The following CA10 variants were observed in gnomAD, a reference collection of about 807,000 sequenced individuals.
CA10 encodes the protein carbonic anhydrase-related protein 10.
CA10 carries 14 observed loss-of-function variants against 44.2 expected under a neutral mutation model. The observed-to-expected ratio is 0.32, with a 90% CI of 0.21 to 0.50. The LOEUF (loss-of-function observed/expected upper bound fraction) is 0.50. Ranked by LOEUF, CA10 falls within the 20% of genes least tolerant of loss-of-function variation. CA10 has a pLI of 0.99. For synonymous variants in CA10, 159 were observed against 141.6 expected (o/e 1.12, Z -0.87); for missense variants, 350 against 409.7 (o/e 0.85, Z 1.26).
At chr17:52,101,853 T>G (rs1988547539) in intron 1 of CA10, among the ~76,000 whole-genome samples, 1 of 152,184 alleles carries the variant, frequency 6.6e-6, no homozygotes, top group Admixed American at 6.5e-5. Flanking sequence ...AATAGAAATA[T>G]TCAAAGGTAA....
chr17:51,817,799 C>T (rs1372288511), intron 3 of CA10, among the ~76,000 whole-genome samples: 1 of 152,134 alleles, frequency 6.6e-6, no homozygotes, highest in East Asian at 1.9e-4. Context: ...TGCTCACGCC[C>T]AGTCTACAGA....
chr17:51,907,149 A>G (rs1160971771), intron 3 of CA10, among the ~76,000 whole-genome samples: 3 of 152,108 alleles, frequency 2.0e-5, no homozygotes, highest in East Asian at 1.9e-4. Flanking sequence ...TTTTTCTGTA[A>G]CCTGAATTCG....
intron 4 of CA10, among the ~76,000 whole-genome samples, chr17:51,737,183 C>T (rs367708653): frequency 6.6e-6 from 1 of 152,176 alleles, no homozygotes; most frequent in Non-Finnish European, 1.5e-5. Context: ...ACCAACCATG[C>T]AACTGAAAGC....
intron 1 of CA10, among the ~76,000 whole-genome samples, chr17:52,119,269 T>C (rs1369120221): frequency 1.6e-5 from 2 of 123,378 alleles, no homozygotes; most frequent in African/African-American, 5.5e-5. Flanking sequence ...AAGTAGTTAT[T>C]TGTGTCAGTG....
chr17:52,069,108 AC>A (rs1265964812), intron 2 of CA10, among the ~76,000 whole-genome samples: 2 of 152,290 alleles, frequency 1.3e-5, no homozygotes, highest in African/African-American at 4.8e-5. Flanking sequence ...TAAGGCCCAC[AC>A]ATATTATACA....
In CA10 at chr17:51,866,086, A is replaced by G. The variant is rs200322013; in HGVS notation, c.279+64904T>C. Among the ~76,000 whole-genome samples, 5 of 152,338 alleles carry G rather than the reference A, an allele frequency of 3.3e-5. No homozygotes were observed. The East Asian group carries it at 9.6e-4, about 29-fold the overall frequency. ...AATAAATGGCTATTGCCAAATAAACAAAGGCAATGTTTTAAAAGTCTCTGT... is the reference window on the plus strand; with the variant it reads ...AATAAATGGCTATTGCCAAATAAACGAAGGCAATGTTTTAAAAGTCTCTGT... On this transcript the variant is annotated intron_variant, in intron 3 of 8. Transcript: ENST00000451037.
chr17:51,820,495 TGAGA>T (rs753789679), intron 3 of CA10, among the ~76,000 whole-genome samples: 3 of 150,352 alleles, frequency 2.0e-5, no homozygotes, highest in Non-Finnish European at 4.4e-5. Flanking sequence ...GTCTTTTTAT[TGAGA>T]AAGTTCTTTC....
intron 4 of CA10, among the ~76,000 whole-genome samples, chr17:51,690,584 T>C (rs927192043): frequency 6.6e-6 from 1 of 152,164 alleles, no homozygotes; most frequent in African/African-American, 2.4e-5. Flanking sequence ...GTTCTTGTGA[T>C]AGTGAATAAG....
intron 2 of CA10, among the ~76,000 whole-genome samples, chr17:52,013,436 T>A (rs1371614611): frequency 6.6e-6 from 1 of 151,554 alleles, no homozygotes; most frequent in Non-Finnish European, 1.5e-5. Flanking sequence ...AAATGAAAAT[T>A]ATAAGAATAA....
In CA10 at chr17:52,101,076, G is replaced by A. The variant is rs76552040; in HGVS notation, c.62-28683C>T. ...ATATTCCCCCAAGAATTCTAGTCTC[G>A]ACAACCCTGAGAATAATGTAAGCTG... On this transcript the variant is annotated intron_variant, in intron 1 of 8. Coordinates refer to ENST00000451037, the MANE Select transcript of CA10 (RefSeq NM_020178.5). 1.2e-3 allele frequency among the ~76,000 whole-genome samples: 183 copies of A among 152,140 alleles called. 1 individual carries two copies. Among genetic ancestry groups the A allele is most frequent in the African/African-American group, 4.2e-3 (173 of 41,510 alleles).
chr17:51,768,635 C>T (rs1256713071), intron 3 of CA10, among the ~76,000 whole-genome samples: 2 of 152,124 alleles, frequency 1.3e-5, no homozygotes, highest in African/African-American at 2.4e-5. Flanking sequence ...AATTTCAGTT[C>T]CTGGCACTAT....
rs192823587 is a variant in CA10 at position 51,838,244 on chromosome 17, T to G, written c.280-90426A>C. On this transcript the variant is annotated intron_variant, in intron 3 of 8. Coordinates refer to ENST00000451037, the MANE Select transcript of CA10 (RefSeq NM_020178.5). ...AATCAAGATTCCTGGCTCTGCGTTC[T>G]GAATTTAGGGCATTTCTACTAAACC... is the stretch of plus-strand genomic sequence containing the variant. 1.1e-4 allele frequency among the ~76,000 whole-genome samples: 16 copies of G among 152,372 alleles called. No homozygotes were observed. In the East Asian group the frequency reaches 2.9e-3, roughly 27 times the overall value.
At chr17:51,801,510 C>A (rs1906930997) in intron 3 of CA10, among the ~76,000 whole-genome samples, 1 of 151,852 alleles carries the variant, frequency 6.6e-6, no homozygotes, top group Admixed American at 6.6e-5. Flanking sequence ...ACAGGCTCTT[C>A]AGTTTTGTCT....
At chr17:51,907,490 C>A (rs1019058344) in intron 3 of CA10, among the ~76,000 whole-genome samples, 1 of 151,928 alleles carries the variant, frequency 6.6e-6, no homozygotes, top group African/African-American at 2.4e-5. Flanking sequence ...GTATATATAT[C>A]TACGTACTTT....
At chr17:51,868,374 G>A (rs1014774373) in intron 3 of CA10, among the ~76,000 whole-genome samples, 1 of 152,108 alleles carries the variant, frequency 6.6e-6, no homozygotes, top group East Asian at 1.9e-4. Flanking sequence ...GAGAGAAACT[G>A]ACCTATTGCT....
chr17:51,638,267 C>T (rs1297930490), intron 6 of CA10, among the ~76,000 whole-genome samples: 2 of 152,244 alleles, frequency 1.3e-5, no homozygotes, highest in East Asian at 1.9e-4. Flanking sequence ...GCCTCCTACT[C>T]CCTTGATGGG....
chr17:52,002,220 T>C (rs1985449836), intron 2 of CA10, among the ~76,000 whole-genome samples: 1 of 151,604 alleles, frequency 6.6e-6, no homozygotes, highest in African/African-American at 2.4e-5. Flanking sequence ...AAAGAAAAGT[T>C]ATAAATGAAA....
chr17:51,693,475 G>T (rs1197604682), intron 4 of CA10, among the ~76,000 whole-genome samples: 1 of 152,032 alleles, frequency 6.6e-6, no homozygotes, highest in Non-Finnish European at 1.5e-5. Flanking sequence ...TAGTTTTTCA[G>T]CTTTTCACCC....
intron 3 of CA10, among the ~76,000 whole-genome samples, chr17:51,908,452 C>T (rs894756894): frequency 5.9e-5 from 9 of 152,088 alleles, no homozygotes; most frequent in African/African-American, 2.2e-4. Context: ...TTTTCTTCTG[C>T]CCTGGTATGT....
Sources: gnomAD v4.1 joint callset for allele counts (sites outside exome capture counted in the v4.1 genomes callset) on GRCh38, gnomAD v4.1.1 for gene constraint, MANE v1.5 for transcripts, NCBI Gene and HGNC (gene_info 2026-07-23, HGNC 2026-07-21) for gene names.